The following PHACTR2 variants were observed in gnomAD, a reference collection of about 807,000 sequenced individuals.
PHACTR2 encodes the protein phosphatase and actin regulator 2.
A neutral mutation model predicts 76.0 loss-of-function variants in PHACTR2; 30 were observed. That is an observed-to-expected ratio of 0.39 (90% confidence interval 0.30 to 0.54). The LOEUF is 0.54. Ranked by LOEUF, PHACTR2 falls within the 20% of genes least tolerant of loss-of-function variation. The probability of loss-of-function intolerance (pLI) is 0.61; values close to 1 mark genes in which losing one functional copy is unlikely to be tolerated. For missense variants in PHACTR2, 696 were observed against 781.1 expected (o/e 0.89, Z 1.30); for synonymous variants, 292 against 292.5 (o/e 1.00, Z 0.02).
rs944825494 is a variant in PHACTR2 at position 143,827,234 on chromosome 6, A to T, written c.*3545A>T. On this transcript the variant is annotated 3_prime_UTR_variant, in exon 13 of 13. Coordinates refer to ENST00000440869, the MANE Select transcript of PHACTR2 (RefSeq NM_001100164.2). The stretch of plus-strand genomic sequence containing the variant: ...ATATACAGTAGCTTACACTTAAAAG[A>T]GGAAAAATTTGCATTAACATTGCAT... 3 of 143,474 alleles carry T rather than the reference A, an allele frequency of 2.1e-5. No homozygotes were observed. The highest frequency in any genetic ancestry group is 7.1e-5 in the Admixed American group (1 of 14,178). The allele number at this position is 143,474 out of a possible 1,614,324, so 8.9% of individuals were successfully genotyped here. A position where few individuals can be genotyped will look rare whatever the true frequency, so the allele number is the denominator to read the frequency against.
rs565697003 is a variant in PHACTR2, at chr6:143,537,779, GGCT to G, written c.217+574_217+576del. 1.4e-3 allele frequency among the ~76,000 whole-genome samples: 215 copies of G among 152,254 alleles called. 1 individual carries two copies. The highest frequency in any genetic ancestry group is 1.1e-3 in the Non-Finnish European group (72 of 68,022). On this transcript the variant is annotated intron_variant, in intron 1 of 11. Coordinates refer to the PHACTR2 transcript ENST00000367584. The surrounding 1 kb of genome is among the most constrained non-coding windows in gnomAD (Gnocchi z 4.4). ...GGGGAGAGCAGGGGAGAGTTTGGCG[GGCT>G]GTTTGTGCCTCTCATCCTTTAACAT...
intron 2 of PHACTR2, among the ~76,000 whole-genome samples, chr6:143,747,227 G>A (rs1779085927): frequency 6.6e-6 from 1 of 152,114 alleles, no homozygotes; most frequent in South Asian, 2.1e-4. Flanking sequence ...GTTTTACTCT[G>A]ATCTTTCTAG....
intron 1 of PHACTR2, chr6:143,711,770 T>C (rs2128460974): frequency 2.9e-6 from 2 of 678,202 alleles, no homozygotes; most frequent in African/African-American, 1.7e-5. Context: ...TGGCCCCATC[T>C]ATAATGTAAG....
chr6:143,781,742 G>A (rs1230837014), intron 9 of PHACTR2, among the ~76,000 whole-genome samples: 1 of 152,172 alleles, frequency 6.6e-6, no homozygotes, highest in Admixed American at 6.5e-5. Context: ...TTAAGGATAT[G>A]AAAGGATATA....
chr6:143,651,384 T>C (rs763218484), intron 1 of PHACTR2, among the ~76,000 whole-genome samples: 1 of 152,058 alleles, frequency 6.6e-6, no homozygotes, highest in Non-Finnish European at 1.5e-5. Flanking sequence ...TAAAGATACA[T>C]GCATGTGTAT....
chr6:143,640,515 C>T (rs957875577), intron 1 of PHACTR2, among the ~76,000 whole-genome samples: 5 of 152,086 alleles, frequency 3.3e-5, no homozygotes, highest in African/African-American at 4.8e-5. Context: ...AGCCAGGAGA[C>T]GAGGCTGGAA....
chr6:143,601,407 T>C (rs949915004), intron 1 of PHACTR2, among the ~76,000 whole-genome samples: 2 of 152,188 alleles, frequency 1.3e-5, no homozygotes, highest in Non-Finnish European at 2.9e-5. Flanking sequence ...GCCAGGCCAA[T>C]GTTGAGCCTC....
In PHACTR2 at chr6:143,545,538, C is replaced by T. The variant is rs114441509; in HGVS notation, c.217+8331C>T. Among the ~76,000 whole-genome samples, 235 of 152,306 alleles carry T rather than the reference C, an allele frequency of 1.5e-3. 1 individual carries two copies. Among genetic ancestry groups the T allele is most frequent in the African/African-American group, 5.0e-3 (209 of 41,574 alleles). The stretch of plus-strand genomic sequence containing the variant: ...CCCACATGATCACACTCTATAGCAA[C>T]CCTGTGAGAGAACAGTGTATCAGCT... On this transcript the variant is annotated intron_variant, in intron 1 of 11. Transcript: ENST00000367584.
At position 143,616,898 on chromosome 6, in the gene PHACTR2, C is replaced by G. The variant is rs1776066884; in HGVS notation, c.13+8576C>G. Among the ~76,000 whole-genome samples, 1 of 152,130 alleles carries G rather than the reference C, an allele frequency of 6.6e-6. No homozygotes were observed. Among genetic ancestry groups the G allele is most frequent in the Non-Finnish European group, 1.5e-5 (1 of 68,042 alleles). ...TGTCAAGCTGAGTGGCCGGCAAACACACACGCCCCCAGACAGGACGTTGAC... is the reference window on the plus strand; with the variant it reads ...TGTCAAGCTGAGTGGCCGGCAAACAGACACGCCCCCAGACAGGACGTTGAC... On this transcript the variant is annotated intron_variant, in intron 1 of 11. Coordinates refer to the PHACTR2 transcript ENST00000305766. The surrounding 1 kb of genome is among the most constrained non-coding windows in gnomAD (Gnocchi z 4.9).
At chr6:143,634,528 C>T (rs1040128213) in intron 1 of PHACTR2, among the ~76,000 whole-genome samples, 2 of 152,126 alleles carry the variant, frequency 1.3e-5, no homozygotes, top group Non-Finnish European at 2.9e-5. Context: ...CCAGCTGTGC[C>T]TTGTGCTACT....
chr6:143,564,156 T>C (rs1427414085), intron 1 of PHACTR2, among the ~76,000 whole-genome samples: 1 of 142,536 alleles, frequency 7.0e-6, no homozygotes, highest in African/African-American at 2.6e-5. Flanking sequence ...CTTAGTTATA[T>C]GTGTGTGTGC....
intron 1 of PHACTR2, among the ~76,000 whole-genome samples, chr6:143,651,044 T>A (rs1349277785): frequency 6.6e-6 from 1 of 151,792 alleles, no homozygotes; most frequent in Non-Finnish European, 1.5e-5. Context: ...AACAGACACT[T>A]TTTTTAAAAA....
chr6:143,802,639 C>G (rs1043540701), intron 11 of PHACTR2, among the ~76,000 whole-genome samples: 1 of 50,794 alleles, frequency 2.0e-5, no homozygotes, highest in Non-Finnish European at 4.5e-5. Flanking sequence ...CAGAACAAGA[C>G]CCTGTCTCAA....
chr6:143,606,299 T>G (rs1484561299), upstream of PHACTR2, among the ~76,000 whole-genome samples: 2 of 152,142 alleles, frequency 1.3e-5, no homozygotes, highest in Non-Finnish European at 2.9e-5. Context: ...TTTAGACTTG[T>G]GAGTAAAGAT....
At chr6:143,756,429 C>T (rs1393276318) in intron 4 of PHACTR2, among the ~76,000 whole-genome samples, 2 of 152,196 alleles carry the variant, frequency 1.3e-5, no homozygotes, top group African/African-American at 2.4e-5. Context: ...GGCGCCGTGG[C>T]TCACGCCTGT....
chr6:143,687,849 T>G (rs891495665), intron 1 of PHACTR2, among the ~76,000 whole-genome samples: 1 of 152,130 alleles, frequency 6.6e-6, no homozygotes, highest in Non-Finnish European at 1.5e-5. Flanking sequence ...AATCAGCCTG[T>G]TTTATGAGGG....
At position 143,765,599 on chromosome 6, in the gene PHACTR2, TCTC is replaced by T; in HGVS notation, c.1037_1039del (p.Pro346del). 2.5e-6 allele frequency: 4 copies of T among 1,613,990 alleles called. No homozygotes were observed. The highest frequency in any genetic ancestry group is 3.4e-6 in the Non-Finnish European group (4 of 1,179,924). ...TCCACCCCCTGTGGCTCCAGCACCT[TCTC>T]CTCTGGCCCCCCCTCTCCCTCTTGA... On this transcript the variant is annotated inframe_deletion, in exon 6 of 13. Coordinates refer to ENST00000440869, the MANE Select transcript of PHACTR2 (RefSeq NM_001100164.2). The surrounding 1 kb of genome is among the most constrained non-coding windows in gnomAD (Gnocchi z 4.1).
intron 2 of PHACTR2, among the ~76,000 whole-genome samples, chr6:143,728,212 CTTTCTTTT>C (rs1778620691): frequency 2.2e-5 from 2 of 91,898 alleles, no homozygotes; most frequent in African/African-American, 9.4e-5. Context: ...TTTTTTTTTT[CTTTCTTTT>C]TTTTTTTTTT....
At position 143,543,565 on chromosome 6, in the gene PHACTR2, A is replaced by G. The variant is rs1319165551; in HGVS notation, c.217+6358A>G. 6.6e-6 allele frequency among the ~76,000 whole-genome samples: 1 copy of G among 152,214 alleles called. No homozygotes were observed. Among genetic ancestry groups the G allele is most frequent in the African/African-American group, 2.4e-5 (1 of 41,452 alleles). ...GAAAATGCCTCTGGCAAGAGGTGAA[A>G]CCTGGGCTATCTCTATGCAAAAGGA... On this transcript the variant is annotated intron_variant, in intron 1 of 11. Transcript: ENST00000367584. This position sits in a 1 kb window ranked among gnomAD's most constrained non-coding sequence, Gnocchi z 4.7.
Sources: gnomAD v4.1 joint callset for allele counts (sites outside exome capture counted in the v4.1 genomes callset) on GRCh38, gnomAD v4.1.1 for gene constraint, Gnocchi (gnomAD v3.1) non-coding constraint, MANE v1.5 for transcripts, NCBI Gene and HGNC (gene_info 2026-07-23, HGNC 2026-07-21) for gene names.